The following P4HA1 variants were observed in gnomAD, a reference collection of about 807,000 sequenced individuals.
The protein encoded by P4HA1 is prolyl 4-hydroxylase subunit alpha 1.
Under a neutral mutation model 72.8 loss-of-function variants are expected in P4HA1, and 24 were observed. The observed-to-expected ratio is 0.33, with a 90% CI of 0.24 to 0.46. The LOEUF (loss-of-function observed/expected upper bound fraction) is 0.46. Among genes scored for constraint, P4HA1 ranks in the 20% least tolerant of loss-of-function variants. P4HA1 has a pLI of 1.00. For synonymous variants in P4HA1, 201 were observed against 218.8 expected (o/e 0.92, Z 0.72); for missense variants, 446 against 640.6 (o/e 0.70, Z 3.28).
chr10:73,043,703 C>A (rs1444836970), intron 9 of P4HA1, among the ~76,000 whole-genome samples: 1 of 152,150 alleles, frequency 6.6e-6, no homozygotes, highest in South Asian at 2.1e-4. Flanking sequence ...CTTTGGAAAA[C>A]CCCTATTAAC....
chr10:73,093,874 ATATATATAT>A (rs1332485510), intron 1 of P4HA1, among the ~76,000 whole-genome samples: 32 of 27,692 alleles, frequency 1.2e-3, no homozygotes, highest in African/African-American at 3.2e-3. Context: ...AAAAAAAAAA[ATATATATAT>A]ATATATATAT....
intron 4 of P4HA1, 112 bp downstream of exon 4, chr10:73,071,917 C>T (rs1480200692): frequency 5.7e-6 from 4 of 702,578 alleles, no homozygotes; most frequent in Non-Finnish European, 9.1e-6. Context: ...AGGCATAATC[C>T]AGTTACAACA....
intron 12 of P4HA1, among the ~76,000 whole-genome samples, 183 bp downstream of exon 12, chr10:73,014,041 T>C (rs1273212848): frequency 6.6e-6 from 1 of 152,230 alleles, no homozygotes; most frequent in East Asian, 1.9e-4. Flanking sequence ...GTTTCTATAA[T>C]GAACATCTAT....
chr10:73,034,099 A>C (rs147088032), intron 9 of P4HA1, among the ~76,000 whole-genome samples: 29 of 152,190 alleles, frequency 1.9e-4, no homozygotes, highest in African/African-American at 6.7e-4. Flanking sequence ...GTGTAGTCCT[A>C]GCTACTCATA....
intron 1 of P4HA1, among the ~76,000 whole-genome samples, chr10:73,093,873 A>ATATAT (rs1251692798): frequency 6.8e-5 from 2 of 29,320 alleles, no homozygotes; most frequent in Non-Finnish European, 7.9e-5. Flanking sequence ...AAAAAAAAAA[A>ATATAT]ATATATATAT....
chr10:73,071,902 C>T, intron 4 of P4HA1, 127 bp downstream of exon 4: 1 of 596,794 alleles, frequency 1.7e-6, no homozygotes. Flanking sequence ...AAACCAAATG[C>T]ACCCAGGCAT....
At chr10:73,034,585 G>GTT (rs1302367660) in intron 9 of P4HA1, among the ~76,000 whole-genome samples, 33 of 134,998 alleles carry the variant, frequency 2.4e-4, no homozygotes, top group African/African-American at 3.8e-4. Context: ...TGTGTGTGTG[G>GTT]TTTTTTTTTT....
chr10:73,047,126 T>C (rs1840883962), intron 7 of P4HA1, 25 bp from the exon 8 acceptor site: 1 of 1,493,928 alleles, frequency 6.7e-7, no homozygotes, highest in Admixed American at 1.7e-5. Context: ...AAGAATATGA[T>C]GAATATATTA....
intron 2 of P4HA1, chr10:73,074,032 T>C (rs1841632009): frequency 1.8e-6 from 1 of 543,068 alleles, no homozygotes. Flanking sequence ...TTCTAATTTT[T>C]AAGCCACTTG....
chr10:73,038,556 TG>T (rs1184869194), intron 9 of P4HA1, among the ~76,000 whole-genome samples: 1 of 151,792 alleles, frequency 6.6e-6, no homozygotes, highest in African/African-American at 2.4e-5. Context: ...TCCATTTCTC[TG>T]ATCTACCCAA....
chr10:73,031,256 G>A (rs1840426375), intron 9 of P4HA1, among the ~76,000 whole-genome samples: 1 of 152,174 alleles, frequency 6.6e-6, no homozygotes, highest in African/African-American at 2.4e-5. Context: ...GGCTGAGGTG[G>A]AAAGGTCTCT....
chr10:73,040,230 C>G (rs1840700363), intron 9 of P4HA1, among the ~76,000 whole-genome samples: 1 of 151,834 alleles, frequency 6.6e-6, no homozygotes, highest in African/African-American at 2.4e-5. Flanking sequence ...TATGGTTGTA[C>G]CTTTCTCAAA....
intron 9 of P4HA1, among the ~76,000 whole-genome samples, chr10:73,034,880 C>G (rs1019097420): frequency 1.3e-5 from 2 of 152,020 alleles, no homozygotes; most frequent in Admixed American, 1.3e-4. Context: ...CACACCCAGC[C>G]AAAATAATGT....
chr10:73,083,789 C>CA (rs569022786), intron 1 of P4HA1, among the ~76,000 whole-genome samples: 30 of 151,338 alleles, frequency 2.0e-4, no homozygotes, highest in Admixed American at 7.2e-4. Context: ...AACTTGGTCT[C>CA]AAAAAAAAGA....
rs1839814041 is a variant in P4HA1, at chr10:73,007,237, G to A, written c.*985C>T. The A allele has an allele frequency of 1.3e-5, 2 of 152,352 alleles. No homozygotes were observed. The highest frequency in any genetic ancestry group is 4.2e-4 in the South Asian group (2 of 4,812). The allele number at this position is 152,352 out of a possible 1,614,324, so 9.4% of individuals were successfully genotyped here. On this transcript the variant is annotated 3_prime_UTR_variant, in exon 15 of 15. Transcript: ENST00000394890. ...AAACATTTTTTTAAAAAAGATTTAA[G>A]ATCATAAATAGGTCATTGTTGTCAC...
chr10:73,050,967 T>G, intron 7 of P4HA1, 86 bp downstream of exon 7: 2 of 971,008 alleles, frequency 2.1e-6, no homozygotes, highest in South Asian at 3.2e-5. Flanking sequence ...TAGGCTTAAA[T>G]ATAAAATAAC....
chr10:73,014,922 G>A (rs933882263), intron 11 of P4HA1, among the ~76,000 whole-genome samples: 5 of 150,774 alleles, frequency 3.3e-5, no homozygotes, highest in Admixed American at 2.0e-4. Flanking sequence ...TCCACCTCCC[G>A]GGTTTAAGCA....
intron 12 of P4HA1, among the ~76,000 whole-genome samples, chr10:73,012,887 C>G (rs2133032782): frequency 6.6e-6 from 1 of 152,244 alleles, no homozygotes; most frequent in African/African-American, 2.4e-5. Context: ...CCTCTGCCTC[C>G]CAGGTTCAAG....
intron 10 of P4HA1, among the ~76,000 whole-genome samples, chr10:73,028,158 AACACAGTTTT>A (rs1476923957): frequency 1.3e-5 from 2 of 152,074 alleles, no homozygotes; most frequent in Non-Finnish European, 2.9e-5. Context: ...GTGTTGGGTG[AACACAGTTTT>A]ATGAATCTCA....
Sources: allele counts gnomAD v4.1 joint callset (sites outside exome capture counted in the v4.1 genomes callset), GRCh38; gene constraint gnomAD v4.1.1; transcripts MANE v1.5; gene names NCBI Gene and HGNC (gene_info 2026-07-23, HGNC 2026-07-21).